Variants in SLC44A5 observed in about 807,000 individuals in gnomAD.
SLC44A5 encodes choline transporter-like protein 5.
Under a neutral mutation model 101.8 loss-of-function variants are expected in SLC44A5, and 57 were observed. The ratio of observed to expected loss-of-function variants is 0.56; its 90% CI spans 0.45 to 0.70. The LOEUF (loss-of-function observed/expected upper bound fraction) is 0.70, where lower values mean the gene tolerates loss of function less well. Ranked by LOEUF, SLC44A5 falls within the 30% of genes least tolerant of loss-of-function variation. SLC44A5 has a pLI of 0.00. For missense variants in SLC44A5, 737 were observed against 853.1 expected (o/e 0.86, Z 1.70); for synonymous variants, 281 against 290.9 (o/e 0.97, Z 0.35).
At chr1:75,429,341 A>G (rs1664482419) in intron 2 of SLC44A5, among the ~76,000 whole-genome samples, 1 of 152,176 alleles carries the variant, frequency 6.6e-6, no homozygotes, top group Admixed American at 6.5e-5. Flanking sequence ...TTGGAGGAAT[A>G]TATTCTAACA....
At chr1:75,669,729 C>T in the SLC44A5 span, among the ~76,000 whole-genome samples, 2 of 152,000 alleles carry the variant, frequency 1.3e-5, no homozygotes, top group African/African-American at 4.8e-5. Flanking sequence ...AAAAAAAACA[C>T]CAGACACATA....
chr1:75,716,670 C>A, the SLC44A5 span, among the ~76,000 whole-genome samples: 1 of 152,100 alleles, frequency 6.6e-6, no homozygotes, highest in Non-Finnish European at 1.5e-5. Context: ...GTATGTTTAT[C>A]GCAGCATTAT....
chr1:75,681,111 A>C, the SLC44A5 span, among the ~76,000 whole-genome samples: 3 of 151,884 alleles, frequency 2.0e-5, no homozygotes, highest in African/African-American at 4.8e-5. Context: ...GAAATTGTGG[A>C]AATAATCAAT....
intron 3 of SLC44A5, among the ~76,000 whole-genome samples, chr1:75,389,566 T>G (rs894326313): frequency 1.3e-5 from 2 of 152,148 alleles, no homozygotes; most frequent in South Asian, 2.1e-4. Context: ...CTGAATGACT[T>G]TTGGGTAACC....
chr1:75,586,822 C>T (rs1570680805), intron 1 of SLC44A5, among the ~76,000 whole-genome samples: 2 of 152,102 alleles, frequency 1.3e-5, no homozygotes, highest in African/African-American at 4.8e-5. Flanking sequence ...TAGCACGGTG[C>T]CTGCAGACAG....
intron 2 of SLC44A5, among the ~76,000 whole-genome samples, chr1:75,528,563 C>T (rs865805535): frequency 6.6e-6 from 1 of 152,148 alleles, no homozygotes; most frequent in African/African-American, 2.4e-5. Flanking sequence ...ACATGTGCGA[C>T]AGTCTCCTCA....
intron 2 of SLC44A5, among the ~76,000 whole-genome samples, chr1:75,446,456 T>C (rs1665581461): frequency 6.6e-6 from 1 of 152,198 alleles, no homozygotes; most frequent in South Asian, 2.1e-4. Flanking sequence ...ATATCACCTC[T>C]TCGAGCTTAC....
At chr1:75,504,141 CA>C (rs1669119908) in intron 2 of SLC44A5, among the ~76,000 whole-genome samples, 2 of 152,052 alleles carry the variant, frequency 1.3e-5, no homozygotes, top group African/African-American at 4.8e-5. Context: ...GCTTGTGTGT[CA>C]TAAAGTTATC....
At chr1:75,541,022 G>T (rs188305440) in intron 2 of SLC44A5, among the ~76,000 whole-genome samples, 7 of 152,296 alleles carry the variant, frequency 4.6e-5, no homozygotes, top group Non-Finnish European at 1.0e-4. Flanking sequence ...GAGAAAGGGG[G>T]CTAAACAATA....
intron 1 of SLC44A5, among the ~76,000 whole-genome samples, chr1:75,575,529 T>C (rs1220688150): frequency 6.6e-6 from 1 of 152,190 alleles, no homozygotes; most frequent in Non-Finnish European, 1.5e-5. Flanking sequence ...AGATATAAAA[T>C]ATTTCCTAGG....
intron 6 of SLC44A5, among the ~76,000 whole-genome samples, chr1:75,262,096 T>C (rs1364587803): frequency 6.6e-6 from 1 of 152,246 alleles, no homozygotes; most frequent in East Asian, 1.9e-4. Context: ...AAGGATGCCC[T>C]CTCTCACCAC....
intron 4 of SLC44A5, among the ~76,000 whole-genome samples, chr1:75,304,072 T>G (rs1374064566): frequency 6.6e-6 from 1 of 151,424 alleles, no homozygotes; most frequent in Non-Finnish European, 1.5e-5. Context: ...GATATAAATA[T>G]CCAAAAAAAA....
intron 2 of SLC44A5, among the ~76,000 whole-genome samples, chr1:75,477,068 C>T (rs1010990509): frequency 1.2e-4 from 19 of 152,188 alleles, no homozygotes; most frequent in African/African-American, 3.4e-4. Flanking sequence ...TCCAGAGAAA[C>T]GATCAGACAG....
chr1:75,461,640 C>T (rs780548059), intron 2 of SLC44A5, among the ~76,000 whole-genome samples: 1 of 152,166 alleles, frequency 6.6e-6, no homozygotes, highest in Non-Finnish European at 1.5e-5. Flanking sequence ...AAATACAAAG[C>T]AAACCCTTGG....
intron 3 of SLC44A5, among the ~76,000 whole-genome samples, chr1:75,372,487 A>G (rs1364551366): frequency 1.4e-4 from 21 of 152,032 alleles, no homozygotes; most frequent in Admixed American, 1.4e-3. Context: ...GATTAGGAGG[A>G]AATCATCATG....
rs552804124 is a variant in SLC44A5, at chr1:75,480,513, C to G, written c.13+60922G>C. Among the ~76,000 whole-genome samples, 9 of 152,292 alleles carry G rather than the reference C, an allele frequency of 5.9e-5. No homozygotes were observed. The East Asian group carries it at 1.5e-3, about 26-fold the overall frequency. Reference sequence around the variant, plus strand: ...GCATATCTAGAAAACCCCATTGTCTCAGCCCAAAATCTTCTTAAGCTGATA... The same window carrying G: ...GCATATCTAGAAAACCCCATTGTCTGAGCCCAAAATCTTCTTAAGCTGATA... On this transcript the variant is annotated intron_variant, in intron 2 of 23. Coordinates refer to ENST00000370859, the MANE Select transcript of SLC44A5 (RefSeq NM_001130058.2).
chr1:75,322,397 T>A (rs11163119), intron 4 of SLC44A5, among the ~76,000 whole-genome samples: 6,179 of 149,826 alleles, frequency 0.041, 438 homozygotes, highest in African/African-American at 0.14. Context: ...TCCCTCTTTT[T>A]AAAAAAAAAA....
In SLC44A5 at chr1:75,202,915, C is replaced by T. The variant is rs189780101; in HGVS notation, c.*812G>A. 9.2e-5 allele frequency: 14 copies of T among 151,380 alleles called. No individual in the cohort carries two copies. The highest frequency in any genetic ancestry group is 3.1e-4 in the African/African-American group (13 of 41,320). The allele number at this position is 151,380 out of a possible 1,614,324, so 9.4% of individuals were successfully genotyped here. On this transcript the variant is annotated 3_prime_UTR_variant, in exon 24 of 24. Coordinates refer to ENST00000370859, the MANE Select transcript of SLC44A5 (RefSeq NM_001130058.2). ...TTCTTTCGGGGTTTGTTTCTTCTTG[C>T]GTGTAGTACACATTCATGAATGTCC...
chr1:75,614,542 C>A (rs956834985), upstream of SLC44A5, among the ~76,000 whole-genome samples: 2 of 152,232 alleles, frequency 1.3e-5, no homozygotes, highest in South Asian at 4.2e-4. Context: ...AAGTTGTGTC[C>A]CCCTAGTGAC....
Sources: allele counts gnomAD v4.1 joint callset (sites outside exome capture counted in the v4.1 genomes callset), GRCh38; gene constraint gnomAD v4.1.1; transcripts MANE v1.5; gene names NCBI Gene and HGNC (gene_info 2026-07-23, HGNC 2026-07-21).